Variants in FAM78A observed in about 807,000 individuals in gnomAD.
FAM78A encodes the protein protein FAM78A.
A neutral mutation model predicts 22.6 loss-of-function variants in FAM78A; 12 were observed. That is an observed-to-expected ratio of 0.53 (90% CI 0.34 to 0.86). FAM78A has a LOEUF of 0.86. FAM78A is among the 40% of genes least tolerant of loss of function. The pLI, the probability that FAM78A is intolerant of heterozygous loss-of-function variation, is 0.02. For synonymous variants in FAM78A, 151 were observed against 155.8 expected (o/e 0.97, Z 0.23); for missense variants, 322 against 396.1 (o/e 0.81, Z 1.59).
rs1218266235 is a variant in FAM78A at position 131,260,914 on chromosome 9, G to C, written c.760C>G (p.Leu254Val). 1.9e-6 allele frequency: 3 copies of C among 1,587,576 alleles called. No homozygotes were observed. The East Asian group carries it at 6.7e-5, about 36-fold the overall frequency. The change falls in exon 2 of 2, where the codon CTG becomes GTG. Residue 254 changes from leucine to valine, a missense_variant. Coordinates refer to ENST00000372271, the MANE Select transcript of FAM78A (RefSeq NM_033387.4). The surrounding 1 kb of genome is among the most constrained non-coding windows in gnomAD (Gnocchi z 5.4). ...SKNEPIPPSA[L>V]VKPNANDAQV... ...GCATCGTTGGCATTGGGCTTGACCA[G>C]GGCGCTGGGCGGGATGGGCTCATTC...
At chr9:131,276,935 G>A (rs1835494828), upstream of FAM78A, among the ~76,000 whole-genome samples, 1 of 149,314 alleles carries the variant, frequency 6.7e-6, no homozygotes, top group African/African-American at 2.4e-5. The surrounding 1 kb of genome is among the most constrained non-coding windows in gnomAD (Gnocchi z 4.3). Context: ...CGCCGCGGCC[G>A]CCGAGGACCT....
At position 131,264,036 on chromosome 9, in the gene FAM78A, T is replaced by C. The variant is rs953318219; in HGVS notation, c.324-2686A>G. On this transcript the variant is annotated intron_variant, in intron 1 of 1. Transcript: ENST00000372271. ...GTCTCTTTGCCCACTGGGGGCCTAG[T>C]CTCCTATTTCAGAAGGAAACGCCCA... 3.9e-5 allele frequency: 6 copies of C among 152,362 alleles called. 1 individual carries two copies. The highest frequency in any genetic ancestry group is 1.4e-4 in the African/African-American group (6 of 41,450). The allele number at this position is 152,362 out of a possible 1,614,324, so 9.4% of individuals were successfully genotyped here.
rs1335557027 is a variant in FAM78A at position 131,275,871 on chromosome 9, G to A, written c.309C>T (p.Tyr103=). The A allele has an allele frequency of 3.1e-6, 5 of 1,594,590 alleles. No homozygotes were observed. Among genetic ancestry groups the A allele is most frequent in the African/African-American group, 1.3e-5 (1 of 74,582 alleles). Residue 103 remains tyrosine (Y), a synonymous_variant, in exon 1 of 2, where the codon TAC becomes TAT. Coordinates refer to ENST00000372271, the MANE Select transcript of FAM78A (RefSeq NM_033387.4). This position sits in a 1 kb window ranked among gnomAD's most constrained non-coding sequence, Gnocchi z 4.6. The part of the protein sequence containing the change: ...ACSHMEFYNQ[Y]GEQGMSSWEL... Reference sequence around the variant, plus strand: ...GCCGTACTCACATGCCCTGCTCGCCGTACTGGTTGTAGAACTCCATGTGGC... The same window carrying A: ...GCCGTACTCACATGCCCTGCTCGCCATACTGGTTGTAGAACTCCATGTGGC...
chr9:131,276,364 C>G lies in FAM78A; in HGVS notation c.-185G>C, dbSNP rs1427223740. ...TGAGCCCTGGGCTCTCTCTTCTTCT[C>G]CTCGCAGTGGACAAAAATCACCGAT... On this transcript the variant is annotated 5_prime_UTR_variant, in exon 1 of 2. Coordinates refer to ENST00000372271, the MANE Select transcript of FAM78A (RefSeq NM_033387.4). This position sits in a 1 kb window ranked among gnomAD's most constrained non-coding sequence, Gnocchi z 4.3. The G allele has an allele frequency of 1.9e-6, 1 of 530,924 alleles. No homozygotes were observed. Among genetic ancestry groups the G allele is most frequent in the African/African-American group, 1.9e-5 (1 of 52,338 alleles). The allele number at this position is 530,924 out of a possible 1,614,324, so 32.9% of individuals were successfully genotyped here. A position where few individuals can be genotyped will look rare whatever the true frequency, so the allele number is the denominator to read the frequency against.
At position 131,273,623 on chromosome 9, in the gene FAM78A, G is replaced by C. The variant is rs1835445508; in HGVS notation, c.323+2234C>G. On this transcript the variant is annotated intron_variant, in intron 1 of 1. Transcript: ENST00000372271. ...GCCCTACGTGACAGAGAAAGACTCGGCCTGGGGAGAAAATTCACTACACGG... is the reference window on the plus strand; with the variant it reads ...GCCCTACGTGACAGAGAAAGACTCGCCCTGGGGAGAAAATTCACTACACGG... Among the ~76,000 whole-genome samples, 4 of 152,196 alleles carry C rather than the reference G, an allele frequency of 2.6e-5. No homozygotes were observed. The South Asian group carries it at 8.3e-4, about 32-fold the overall frequency.
rs923317364 is a variant in FAM78A, at chr9:131,265,509, A to T, written c.324-4159T>A. On this transcript the variant is annotated intron_variant, in intron 1 of 1. Coordinates refer to ENST00000372271, the MANE Select transcript of FAM78A (RefSeq NM_033387.4). This position sits in a 1 kb window ranked among gnomAD's most constrained non-coding sequence, Gnocchi z 4.3. Reference sequence around the variant, plus strand: ...GGTAACCCACCCACCTCAGCCTCTCACAGTGCTGGGATTACAGGCGTGAGC... The same window carrying T: ...GGTAACCCACCCACCTCAGCCTCTCTCAGTGCTGGGATTACAGGCGTGAGC... Among the ~76,000 whole-genome samples the T allele has an allele frequency of 6.6e-6, 1 of 152,166 alleles. No homozygotes were observed. The highest frequency in any genetic ancestry group is 2.4e-5 in the African/African-American group (1 of 41,428).
rs1005296568 is a variant in FAM78A, at chr9:131,260,709, C to A, written c.*113G>T. The A allele has an allele frequency of 2.0e-5, 27 of 1,360,176 alleles. No homozygotes were observed. Among genetic ancestry groups the A allele is most frequent in the East Asian group, 4.8e-5 (2 of 41,370 alleles). 84.3% of individuals were successfully genotyped at this position (1,360,176 alleles called of 1,614,324 possible). A position where few individuals can be genotyped will look rare whatever the true frequency, so the allele number is the denominator to read the frequency against. On this transcript the variant is annotated 3_prime_UTR_variant, in exon 2 of 2. Transcript: ENST00000372271. The surrounding 1 kb of genome is among the most constrained non-coding windows in gnomAD (Gnocchi z 5.4). ...GGGCATCAGCACAGTGAGATCCGCC[C>A]GCTGGAGAGGGTAGAATGGTTGTAT... is the stretch of plus-strand genomic sequence containing the variant.
intron 1 of FAM78A, among the ~76,000 whole-genome samples, chr9:131,270,955 GGC>G (rs1835413823): frequency 6.6e-6 from 1 of 151,792 alleles, no homozygotes; most frequent in South Asian, 2.1e-4. Context: ...AGGACAGGGT[GGC>G]ACCCAGCGGT....
intron 1 of FAM78A, among the ~76,000 whole-genome samples, chr9:131,266,388 C>A (rs1835345686): frequency 6.6e-6 from 1 of 152,116 alleles, no homozygotes; most frequent in African/African-American, 2.4e-5. Context: ...CCTCCCTGGG[C>A]TCCAGGGCCC....
At position 131,276,216 on chromosome 9, in the gene FAM78A, C is replaced by A. The variant is rs1308758697; in HGVS notation, c.-37G>T. On this transcript the variant is annotated 5_prime_UTR_variant, in exon 1 of 2. Coordinates refer to ENST00000372271, the MANE Select transcript of FAM78A (RefSeq NM_033387.4). This position sits in a 1 kb window ranked among gnomAD's most constrained non-coding sequence, Gnocchi z 4.3. ...AGGCTGCAGGACCCAGTACAGACGG[C>A]GCTGCTCTCCAATCTCAACTCTCAA... 2 of 1,547,350 alleles carry A rather than the reference C, an allele frequency of 1.3e-6. No homozygotes were observed. Among genetic ancestry groups the A allele is most frequent in the Admixed American group, 1.8e-5 (1 of 55,196 alleles).
At position 131,275,786 on chromosome 9, in the gene FAM78A, C is replaced by A; in HGVS notation, c.323+71G>T. On this transcript the variant is annotated intron_variant, in intron 1 of 1. Coordinates refer to ENST00000372271, the MANE Select transcript of FAM78A (RefSeq NM_033387.4). This position sits in a 1 kb window ranked among gnomAD's most constrained non-coding sequence, Gnocchi z 4.6. Reference sequence around the variant, plus strand: ...GGTATCTCCACCTTCCCCCTATCCGCGGCCCCCCACCAGGCCTCCAAGCTC... The same window carrying A: ...GGTATCTCCACCTTCCCCCTATCCGAGGCCCCCCACCAGGCCTCCAAGCTC... 2.7e-6 allele frequency: 4 copies of A among 1,465,620 alleles called. No homozygotes were observed. The highest frequency in any genetic ancestry group is 3.7e-6 in the Non-Finnish European group (4 of 1,091,184). 90.8% of individuals were successfully genotyped at this position (1,465,620 alleles called of 1,614,324 possible). A position where few individuals can be genotyped will look rare whatever the true frequency, so the allele number is the denominator to read the frequency against.
chr9:131,259,161 TGG>T lies in FAM78A; in HGVS notation c.*1659_*1660del, dbSNP rs1386852564. 6.6e-6 allele frequency: 1 copy of T among 152,664 alleles called. No homozygotes were observed. The highest frequency in any genetic ancestry group is 1.5e-5 in the Non-Finnish European group (1 of 68,064). 9.5% of individuals were successfully genotyped at this position (152,664 alleles called of 1,614,324 possible). On this transcript the variant is annotated 3_prime_UTR_variant, in exon 2 of 2. Transcript: ENST00000372271. ...TGCTTGATAATTATTAGGCTGAGTGTGGGTCCCGGGCGGGTAGCTGTGGGTTT... is the reference window on the plus strand; with the variant it reads ...TGCTTGATAATTATTAGGCTGAGTGTGTCCCGGGCGGGTAGCTGTGGGTTT...
At chr9:131,269,123 A>G (rs1017194526) in intron 1 of FAM78A, among the ~76,000 whole-genome samples, 2 of 148,526 alleles carry the variant, frequency 1.3e-5, no homozygotes, top group African/African-American at 2.5e-5. Context: ...AAAAAAAAAG[A>G]AGTGTATCAA....
Position 131,260,658 on chromosome 9 carries a change from G to T in FAM78A, c.*164C>A. ...CCCCTCTCCCTGAAAGGAAGCAGGT[G>T]CCGAGAGCCGGGGAGGCCTTCCCGG... On this transcript the variant is annotated 3_prime_UTR_variant, in exon 2 of 2. Transcript: ENST00000372271. The surrounding 1 kb of genome is among the most constrained non-coding windows in gnomAD (Gnocchi z 5.4). 2.7e-6 allele frequency: 2 copies of T among 727,272 alleles called. No homozygotes were observed. The highest frequency in any genetic ancestry group is 4.2e-6 in the Non-Finnish European group (2 of 477,746). The allele number at this position is 727,272 out of a possible 1,614,324, so 45.1% of individuals were successfully genotyped here.
rs548054739 is a variant in FAM78A, at chr9:131,270,645, C to T, written c.323+5212G>A. On this transcript the variant is annotated intron_variant, in intron 1 of 1. Transcript: ENST00000372271. ...CCCCGCCCTTGCCTCCGCCAGGGCC[C>T]AGCAGATGGGGGAGGCCGCCTTCCG... The T allele has an allele frequency of 6.1e-4, 402 of 653,848 alleles. 1 individual carries two copies. In the African/African-American group the frequency reaches 6.3e-3, roughly 10 times the overall value. 40.5% of individuals were successfully genotyped at this position (653,848 alleles called of 1,614,324 possible).
Position 131,269,673 on chromosome 9 carries a change from C to T in FAM78A, c.323+6184G>A, listed in dbSNP as rs576915094. Among the ~76,000 whole-genome samples, 6 of 152,148 alleles carry T rather than the reference C, an allele frequency of 3.9e-5. No individual in the cohort carries two copies. The East Asian group carries it at 5.8e-4, about 15-fold the overall frequency. On this transcript the variant is annotated intron_variant, in intron 1 of 1. Transcript: ENST00000372271. Reference sequence around the variant, plus strand: ...TGTATTTTTAGTAGAGACAGGGTTTCGCCATGTTGGCCAGGCTGGTCTCGA... The same window carrying T: ...TGTATTTTTAGTAGAGACAGGGTTTTGCCATGTTGGCCAGGCTGGTCTCGA...
Position 131,270,999 on chromosome 9 carries a change from G to GCCTTTTTTTTTTTTTTTTTTTT in FAM78A, c.323+4857_323+4858insAAAAAAAAAAAAAAAAAAAAGG, listed in dbSNP as rs1311041330. On this transcript the variant is annotated intron_variant, in intron 1 of 1. Transcript: ENST00000372271. ...ACCCCTGCCCTGTCCTTTCCCACCAGTCTTTTTTTTTTTTTTTTTTTTTTG... is the reference window on the plus strand; with the variant it reads ...ACCCCTGCCCTGTCCTTTCCCACCAGCCTTTTTTTTTTTTTTTTTTTTTCTTTTTTTTTTTTTTTTTTTTTTG... Among the ~76,000 whole-genome samples the GCCTTTTTTTTTTTTTTTTTTTT allele has an allele frequency of 5.3e-5, 7 of 131,964 alleles. 3 individuals are homozygous for GCCTTTTTTTTTTTTTTTTTTTT. The highest frequency in any genetic ancestry group is 1.5e-4 in the African/African-American group (5 of 34,312). The allele number at this position is 131,964 out of a possible 152,430, so 86.6% of individuals were successfully genotyped here.
rs765134825 is a variant in FAM78A, at chr9:131,258,979, G to A, written c.*1843C>T. 9 of 152,602 alleles carry A rather than the reference G, an allele frequency of 5.9e-5. No individual in the cohort carries two copies. The highest frequency in any genetic ancestry group is 7.3e-5 in the Non-Finnish European group (5 of 68,038). The allele number at this position is 152,602 out of a possible 1,614,324, so 9.5% of individuals were successfully genotyped here. On this transcript the variant is annotated 3_prime_UTR_variant, in exon 2 of 2. Coordinates refer to ENST00000372271, the MANE Select transcript of FAM78A (RefSeq NM_033387.4). ...CGGAGACCGACGGCAGTGGCTAAAC[G>A]GTCATTAAGCACCCCTTGAATAAAC...
rs1835233834 is a variant in FAM78A at position 131,259,607 on chromosome 9, G to A, written c.*1215C>T. Reference sequence around the variant, plus strand: ...CCCGCTGCCCTGAGGGCCTGGGAGGGGCGCCCCTGAGAACGAGCCCTGTCT... The same window carrying A: ...CCCGCTGCCCTGAGGGCCTGGGAGGAGCGCCCCTGAGAACGAGCCCTGTCT... On this transcript the variant is annotated 3_prime_UTR_variant, in exon 2 of 2. Coordinates refer to ENST00000372271, the MANE Select transcript of FAM78A (RefSeq NM_033387.4). The A allele has an allele frequency of 6.6e-6, 1 of 152,512 alleles. No individual in the cohort carries two copies. Among genetic ancestry groups the A allele is most frequent in the Non-Finnish European group, 1.5e-5 (1 of 68,130 alleles). 9.4% of individuals were successfully genotyped at this position (152,512 alleles called of 1,614,324 possible). A position where few individuals can be genotyped will look rare whatever the true frequency, so the allele number is the denominator to read the frequency against.
Sources: gnomAD v4.1 joint callset for allele counts (sites outside exome capture counted in the v4.1 genomes callset) on GRCh38, gnomAD v4.1.1 for gene constraint, Gnocchi (gnomAD v3.1) non-coding constraint, MANE v1.5 for transcripts, NCBI Gene and HGNC (gene_info 2026-07-23, HGNC 2026-07-21) for gene names.